NF1: variants seen among roughly 807,000 people sequenced by gnomAD.
The protein encoded by NF1 is neurofibromin 1.
Under a neutral mutation model 325.7 loss-of-function variants are expected in NF1, and 122 were observed. The ratio of observed to expected loss-of-function variants is 0.37; its 90% confidence interval spans 0.32 to 0.44. The LOEUF (loss-of-function observed/expected upper bound fraction) is 0.44. Among genes scored for constraint, NF1 ranks in the 20% least tolerant of loss-of-function variants. The pLI is 1.00. For synonymous variants in NF1, 1,091 were observed against 1,186.0 expected (o/e 0.92, Z 1.65); for missense variants, 2,140 against 3,415.4 (o/e 0.63, Z 9.31).
At chr17:31,128,004 C>T (rs958397976) in intron 1 of NF1, among the ~76,000 whole-genome samples, 2 of 151,930 alleles carry the variant, frequency 1.3e-5, no homozygotes, top group Non-Finnish European at 2.9e-5. Flanking sequence ...TGCAGTGGCG[C>T]AATCACAGTT....
intron 1 of NF1, among the ~76,000 whole-genome samples, chr17:31,146,925 A>G (rs544890120): frequency 6.6e-6 from 1 of 152,396 alleles, no homozygotes; most frequent in East Asian, 1.9e-4. Flanking sequence ...GCTGACTGAC[A>G]GCACTCCCAG....
rs192329068 is a variant in NF1, at chr17:31,263,567, C to T, written c.4725-1662C>T. On this transcript the variant is annotated intron_variant, in intron 35 of 57. Transcript: ENST00000358273. ...CACTGAGGACATCCTAGCCATTTTT[C>T]TAGAAAAATATTTTTATTATTCCTT... Among the ~76,000 whole-genome samples the T allele has an allele frequency of 3.5e-3, 535 of 151,136 alleles. 4 individuals carry two copies. The highest frequency in any genetic ancestry group is 0.012 in the African/African-American group (514 of 41,414).
chr17:31,359,181 G>T (rs1184041236), intron 56 of NF1, 166 bp downstream of exon 56: 1 of 624,066 alleles, frequency 1.6e-6, no homozygotes, highest in African/African-American at 1.8e-5. Flanking sequence ...TTTTTTTCCA[G>T]GAGGCAGCAT....
chr17:31,332,327 G>A (rs923946393), intron 39 of NF1, among the ~76,000 whole-genome samples: 9 of 151,916 alleles, frequency 5.9e-5, no homozygotes, highest in East Asian at 1.9e-4. Flanking sequence ...AGCCGGGCTC[G>A]GTGGTACATG....
At chr17:31,201,370 T>G in intron 10 of NF1, 41 bp from the exon 11 acceptor site, 1 of 1,560,794 alleles carries the variant, frequency 6.4e-7, no homozygotes, top group Non-Finnish European at 8.8e-7. Flanking sequence ...TGAGTATTTT[T>G]CTCATAGAAA....
chr17:31,342,780 A>C (rs555533209), intron 47 of NF1, among the ~76,000 whole-genome samples: 264 of 152,342 alleles, frequency 1.7e-3, no homozygotes, highest in African/African-American at 6.2e-3. Context: ...TTGTAAATAA[A>C]AGTGATTTCA....
chr17:31,126,835 C>A (rs1347888344), intron 1 of NF1, among the ~76,000 whole-genome samples: 1 of 152,130 alleles, frequency 6.6e-6, no homozygotes, highest in African/African-American at 2.4e-5. Context: ...GATCTTACTG[C>A]AGCTGAATTT....
At chr17:31,238,571 A>G (rs2067242094) in intron 29 of NF1, among the ~76,000 whole-genome samples, 1 of 151,968 alleles carries the variant, frequency 6.6e-6, no homozygotes, top group Non-Finnish European at 1.5e-5. Flanking sequence ...TGTCTTTACT[A>G]AAAATACAAA....
At chr17:31,139,098 A>G (rs1916015677) in intron 1 of NF1, among the ~76,000 whole-genome samples, 1 of 152,016 alleles carries the variant, frequency 6.6e-6, no homozygotes, top group South Asian at 2.1e-4. Context: ...CCCAAGCTAG[A>G]GTGCGGTGGC....
In NF1 at chr17:31,336,914, G is replaced by T. The variant is rs1555534775; in HGVS notation, c.6427G>T (p.Glu2143Ter). 1 of 1,608,576 alleles carries T rather than the reference G, an allele frequency of 6.2e-7. No homozygotes were observed. The highest frequency in any genetic ancestry group is 8.5e-7 in the Non-Finnish European group (1 of 1,179,898). Residue 2143 changes from glutamate (E) to a stop codon, truncating the protein, a stop_gained and splice_region_variant, in exon 42 of 58, where the codon GAA becomes TAA. Transcript: ENST00000358273. LOFTEE classifies it high-confidence loss of function. This position sits in a 1 kb window ranked among gnomAD's most constrained non-coding sequence, Gnocchi z 5.5. ...TACTTGTTCACAGCTTCATTTTAGT[G>T]GTAAGTTCTAGGAAAGGAATTTGTG... is the stretch of plus-strand genomic sequence containing the variant. ...LCTCSQLHFSEETKQVLRLSL... is the reference protein window; with the variant it reads ...LCTCSQLHFS
Position 31,116,563 on chromosome 17 carries a change from G to T in NF1, c.60+21194G>T, listed in dbSNP as rs980267923. Among the ~76,000 whole-genome samples, 6 of 152,012 alleles carry T rather than the reference G, an allele frequency of 3.9e-5. No homozygotes were observed. The South Asian group carries it at 1.2e-3, about 32-fold the overall frequency. ...AAAATTTTAAGTCTTCCCTTTCAAG[G>T]CCCTATCAAAACATCATGACCACAT... On this transcript the variant is annotated intron_variant, in intron 1 of 57. Transcript: ENST00000358273.
rs1597688853 is a variant in NF1 at position 31,206,308 on chromosome 17, T to C, written c.1329T>C (p.Phe443=). 1.2e-6 allele frequency: 2 copies of C among 1,613,908 alleles called. No individual in the cohort carries two copies. Among genetic ancestry groups the C allele is most frequent in the Non-Finnish European group, 1.7e-6 (2 of 1,179,814 alleles). Reference sequence around the variant, plus strand: ...ACTCGGTTGAACTTCGAAATATGTTTGGTGAAACACTTCATAAAGCAGTGC... The same window carrying C: ...ACTCGGTTGAACTTCGAAATATGTTCGGTGAAACACTTCATAAAGCAGTGC... ...YCHSVELRNM[F]GETLHKAVQG... Residue 443 remains phenylalanine (F), a synonymous_variant, in exon 12 of 58, where the codon TTT becomes TTC. Coordinates refer to ENST00000358273, the MANE Select transcript of NF1 (RefSeq NM_001042492.3).
chr17:31,311,243 G>T (rs562902691), intron 36 of NF1, among the ~76,000 whole-genome samples: 6 of 152,120 alleles, frequency 3.9e-5, no homozygotes, highest in South Asian at 2.1e-4. Context: ...ATGAGCCACC[G>T]AGCCCGGCCA....
intron 5 of NF1, among the ~76,000 whole-genome samples, chr17:31,172,610 T>C (rs1198897735): frequency 6.6e-6 from 1 of 152,034 alleles, no homozygotes; most frequent in Non-Finnish European, 1.5e-5. Flanking sequence ...TCATCTCTTG[T>C]GTAGATGAGG....
chr17:31,340,544 G>A lies in NF1; in HGVS notation c.6961G>A (p.Ala2321Thr), dbSNP rs2151561603. The A allele has an allele frequency of 6.2e-7, 1 of 1,614,114 alleles. No homozygotes were observed. Among genetic ancestry groups the A allele is most frequent in the Non-Finnish European group, 8.5e-7 (1 of 1,180,020 alleles). The change falls in exon 47 of 58, where the codon GCT becomes ACT. Residue 2321 changes from alanine (A) to threonine (T), a missense_variant. Ala to Thr is a moderately conservative substitution (Grantham distance 58). Transcript: ENST00000358273. ...LHKALFWVAVAVLQLDEVNLY... is the reference protein window; with the variant it reads ...LHKALFWVAVTVLQLDEVNLY... ...CAAAGCCCTCTTTTGGGTAGCTGTG[G>A]CTGTGCTGCAGCTTGATGAGGTCAA... is the stretch of plus-strand genomic sequence containing the variant.
At chr17:31,223,208 A>G (rs1296055594) in intron 15 of NF1, among the ~76,000 whole-genome samples, 1 of 152,156 alleles carries the variant, frequency 6.6e-6, no homozygotes, top group Non-Finnish European at 1.5e-5. Flanking sequence ...CTGGGAGTTT[A>G]ATGAAACATA....
At chr17:31,264,411 CAAA>C (rs777973376) in intron 35 of NF1, among the ~76,000 whole-genome samples, 1 of 104,874 alleles carries the variant, frequency 9.5e-6, no homozygotes. Context: ...AACTCCATCT[CAAA>C]AAAAAAAAAA....
intron 50 of NF1, among the ~76,000 whole-genome samples, chr17:31,351,465 G>A (rs2070142249): frequency 6.6e-6 from 1 of 152,002 alleles, no homozygotes; most frequent in Non-Finnish European, 1.5e-5. Flanking sequence ...CGCCCAGGCT[G>A]GAGTGCAGTA....
At chr17:31,357,779 A>T (rs2151584000) in intron 54 of NF1, 1 of 213,310 alleles carries the variant, frequency 4.7e-6, no homozygotes, top group East Asian at 1.3e-4. Context: ...TCTCTTAAGG[A>T]CTAAAAAATA....
Sources: gnomAD v4.1 joint callset for allele counts (sites outside exome capture counted in the v4.1 genomes callset) on GRCh38, gnomAD v4.1.1 for gene constraint, Gnocchi (gnomAD v3.1) non-coding constraint, MANE v1.5 for transcripts, NCBI Gene and HGNC (gene_info 2026-07-23, HGNC 2026-07-21) for gene names.